CDIN1: variants seen among roughly 807,000 people sequenced by gnomAD.
The protein encoded by CDIN1 is CDAN1-interacting nuclease 1.
A neutral mutation model predicts 45.3 loss-of-function variants in CDIN1; 33 were observed. That is an observed-to-expected ratio of 0.73 (90% confidence interval 0.55 to 0.97). The LOEUF is 0.97. CDIN1 is among the 50% of genes least tolerant of loss of function. The pLI is 0.00. For synonymous variants in CDIN1, 118 were observed against 124.4 expected (o/e 0.95, Z 0.34); for missense variants, 303 against 339.4 (o/e 0.89, Z 0.84).
intron 10 of CDIN1, among the ~76,000 whole-genome samples, chr15:36,729,496 G>A (rs1357275255): frequency 1.3e-5 from 2 of 152,006 alleles, no homozygotes; most frequent in Non-Finnish European, 2.9e-5. Flanking sequence ...TCCATCACTG[G>A]TCTTTGATAT....
intron 10 of CDIN1, among the ~76,000 whole-genome samples, chr15:36,767,111 G>T (rs961135760): frequency 3.3e-5 from 5 of 152,020 alleles, no homozygotes; most frequent in African/African-American, 1.2e-4. Context: ...GATTTTTGTG[G>T]ATGGTGTAAG....
chr15:36,770,272 A>G (rs997602745), intron 10 of CDIN1, among the ~76,000 whole-genome samples: 48 of 151,828 alleles, frequency 3.2e-4, no homozygotes, highest in Admixed American at 2.0e-4. Context: ...TGGCTTGATC[A>G]GGAAAAAAAG....
chr15:36,629,247 G>A (rs2039580570), intron 1 of CDIN1, among the ~76,000 whole-genome samples: 1 of 152,176 alleles, frequency 6.6e-6, no homozygotes, highest in African/African-American at 2.4e-5. Context: ...GACCATGGTA[G>A]GATGTTTAGT....
chr15:36,774,100 C>A (rs935450011), intron 10 of CDIN1, among the ~76,000 whole-genome samples: 1 of 151,898 alleles, frequency 6.6e-6, no homozygotes, highest in Admixed American at 6.5e-5. Context: ...CCTTCCCACA[C>A]CCCCAGGCAC....
chr15:36,750,200 G>A (rs956046230), intron 10 of CDIN1, among the ~76,000 whole-genome samples: 5 of 151,962 alleles, frequency 3.3e-5, no homozygotes, highest in African/African-American at 9.7e-5. Flanking sequence ...CTACATTTTT[G>A]TATGTTCCTT....
chr15:36,766,598 T>C (rs1386822606), intron 10 of CDIN1, among the ~76,000 whole-genome samples: 2 of 152,234 alleles, frequency 1.3e-5, no homozygotes, highest in Admixed American at 6.5e-5. Flanking sequence ...CTTGTTGTTT[T>C]TATAATAGCC....
chr15:36,796,911 T>C (rs538509446), intron 10 of CDIN1, among the ~76,000 whole-genome samples: 3 of 152,242 alleles, frequency 2.0e-5, no homozygotes, highest in Non-Finnish European at 4.4e-5. Context: ...TCCCTTTTGC[T>C]GAGCTTAATT....
intron 8 of CDIN1, among the ~76,000 whole-genome samples, chr15:36,704,142 C>G (rs1195982408): frequency 6.6e-6 from 1 of 152,128 alleles, no homozygotes; most frequent in African/African-American, 2.4e-5. Context: ...CCACAGCTAC[C>G]AGTTGCCTAC....
chr15:36,593,943 AAG>A (rs1412946876), intron 1 of CDIN1, among the ~76,000 whole-genome samples: 1 of 152,228 alleles, frequency 6.6e-6, no homozygotes, highest in Non-Finnish European at 1.5e-5. Flanking sequence ...GGTAAACACA[AAG>A]AAGTTGCATA....
At chr15:36,673,646 G>A (rs1043133490) in intron 5 of CDIN1, among the ~76,000 whole-genome samples, 18 of 151,874 alleles carry the variant, frequency 1.2e-4, no homozygotes, top group Non-Finnish European at 2.5e-4. Context: ...GAGCTGAATC[G>A]TATAAATTGT....
At chr15:36,709,179 A>G in intron 8 of CDIN1, 44 bp from the exon 9 acceptor site, 1 of 1,490,606 alleles carries the variant, frequency 6.7e-7, no homozygotes, top group Non-Finnish European at 9.1e-7. Flanking sequence ...CTATCTTGTT[A>G]ATTGAATAGT....
At chr15:36,758,049 A>G (rs1380979554) in intron 10 of CDIN1, among the ~76,000 whole-genome samples, 3 of 152,216 alleles carry the variant, frequency 2.0e-5, no homozygotes, top group South Asian at 2.1e-4. Context: ...AACATAGTAC[A>G]TATAGCGTCT....
chr15:36,630,918 C>T (rs2039652308), intron 1 of CDIN1, among the ~76,000 whole-genome samples: 1 of 152,148 alleles, frequency 6.6e-6, no homozygotes. Context: ...AATATGAAGA[C>T]TCACCCAGCC....
At chr15:36,749,079 C>T (rs1286811953) in intron 10 of CDIN1, among the ~76,000 whole-genome samples, 4 of 152,108 alleles carry the variant, frequency 2.6e-5, no homozygotes, top group Non-Finnish European at 5.9e-5. Context: ...AACACTCACT[C>T]GTATCGCTTT....
At chr15:36,783,514 T>C (rs2054405742) in intron 10 of CDIN1, among the ~76,000 whole-genome samples, 1 of 152,162 alleles carries the variant, frequency 6.6e-6, no homozygotes, top group Non-Finnish European at 1.5e-5. Flanking sequence ...CCCAGTTAGT[T>C]GGTGGCAAGC....
At chr15:36,595,341 A>ATAATATAAT (rs1566818867) in intron 1 of CDIN1, among the ~76,000 whole-genome samples, 52 of 120,480 alleles carry the variant, frequency 4.3e-4, no homozygotes, top group South Asian at 5.9e-4. Flanking sequence ...TATAATATAA[A>ATAATATAAT]ATAATATGAT....
rs1416840171 is a variant in CDIN1 at position 36,644,310 on chromosome 15, C to T, written c.134C>T (p.Ser45Phe). The change falls in exon 2 of 11, where the codon TCC becomes TTC. Residue 45 changes from serine to phenylalanine, a missense_variant. Coordinates refer to ENST00000566621, the MANE Select transcript of CDIN1 (RefSeq NM_001321759.2). Reference protein sequence around the residue: ...QSQATLLSIFSQEYQKHIKRT... With the variant: ...QSQATLLSIFFQEYQKHIKRT... Reference sequence around the variant, plus strand: ...CAGGCCACTCTGCTGAGCATCTTCTCCCAGGAGTACCAGGTTAGAAGTTTT... The same window carrying T: ...CAGGCCACTCTGCTGAGCATCTTCTTCCAGGAGTACCAGGTTAGAAGTTTT... 1 of 1,613,508 alleles carries T rather than the reference C, an allele frequency of 6.2e-7. No individual in the cohort carries two copies. The highest frequency in any genetic ancestry group is 1.3e-5 in the African/African-American group (1 of 74,902).
intron 10 of CDIN1, among the ~76,000 whole-genome samples, chr15:36,794,418 C>T (rs994307725): frequency 2.0e-5 from 3 of 152,074 alleles, no homozygotes; most frequent in Non-Finnish European, 4.4e-5. Flanking sequence ...ACTTTTATCT[C>T]GCAAAACAAA....
chr15:36,769,528 G>A (rs887811507), intron 10 of CDIN1, among the ~76,000 whole-genome samples: 2 of 152,162 alleles, frequency 1.3e-5, no homozygotes, highest in Admixed American at 6.6e-5. Flanking sequence ...AATTGATTAT[G>A]GATGTTAATC....
Sources: gnomAD v4.1 joint callset for allele counts (sites outside exome capture counted in the v4.1 genomes callset) on GRCh38, gnomAD v4.1.1 for gene constraint, MANE v1.5 for transcripts, NCBI Gene and HGNC (gene_info 2026-07-23, HGNC 2026-07-21) for gene names.